MEMO1: variants seen among roughly 807,000 people sequenced by gnomAD.
MEMO1 encodes mediator of cell motility 1, also known as protein MEMO1.
MEMO1 carries 6 observed loss-of-function variants against 45.2 expected under a neutral mutation model. That is an observed-to-expected ratio of 0.13 (90% CI 0.07 to 0.26). MEMO1 has a LOEUF of 0.26. Ranked by LOEUF, MEMO1 falls within the 10% of genes least tolerant of loss-of-function variation. The pLI, the probability that MEMO1 is intolerant of heterozygous loss-of-function variation, is 1.00. For missense variants in MEMO1, 184 were observed against 370.5 expected (o/e 0.50, Z 4.13); for synonymous variants, 78 against 124.3 (o/e 0.63, Z 2.48).
chr2:31,892,146 C>CAAA lies in MEMO1; in HGVS notation c.438-13_438-12insTTT. On this transcript the variant is annotated splice_polypyrimidine_tract_variant and intron_variant, in intron 6 of 9. Coordinates refer to ENST00000404530, the MANE Select transcript of MEMO1 (RefSeq NM_001301833.4). ...ACTCATCCTTATGGCTTAAAGAAAA[C>CAAA]AGAAAAAAAAAAAATGTCATTTAAG... is the stretch of plus-strand genomic sequence containing the variant. 6.7e-7 allele frequency: 1 copy of CAAA among 1,493,576 alleles called. No homozygotes were observed. The allele number at this position is 1,493,576 out of a possible 1,614,324, so 92.5% of individuals were successfully genotyped here.
intron 6 of MEMO1, among the ~76,000 whole-genome samples, chr2:31,894,811 T>C (rs1677511525): frequency 6.6e-6 from 1 of 152,328 alleles, no homozygotes; most frequent in East Asian, 1.9e-4. Context: ...GATTCTTTCT[T>C]TTAATGAGAA....
intron 2 of MEMO1, among the ~76,000 whole-genome samples, chr2:32,002,186 T>TATAC (rs753352927): frequency 1.0e-3 from 120 of 115,936 alleles, no homozygotes; most frequent in African/African-American, 2.0e-3. Flanking sequence ...TATATATATA[T>TATAC]ACACACACAC....
intron 2 of MEMO1, among the ~76,000 whole-genome samples, chr2:31,991,565 C>T (rs1465431157): frequency 9.1e-5 from 5 of 54,686 alleles, no homozygotes; most frequent in African/African-American, 3.2e-4. Context: ...GAGCAAAACT[C>T]CGACTCAAAA....
intron 7 of MEMO1, among the ~76,000 whole-genome samples, chr2:31,887,271 T>TA (rs1676319498): frequency 6.6e-6 from 1 of 152,086 alleles, no homozygotes; most frequent in Admixed American, 6.6e-5. Flanking sequence ...TTAAGTACCT[T>TA]AAAACAAAAG....
chr2:32,010,349 C>A, intron 1 of MEMO1, 85 bp from the exon 2 acceptor site: 1 of 587,238 alleles, frequency 1.7e-6, no homozygotes, highest in Non-Finnish European at 2.8e-6. Flanking sequence ...GCGGGCCCAG[C>A]CCAGGAGGAG....
intron 8 of MEMO1, among the ~76,000 whole-genome samples, chr2:31,875,212 A>G (rs1227346969): frequency 1.3e-5 from 2 of 152,168 alleles, no homozygotes; most frequent in Non-Finnish European, 2.9e-5. Flanking sequence ...TTCAGAAATC[A>G]TATTCCAGGG....
intron 2 of MEMO1, among the ~76,000 whole-genome samples, chr2:32,001,187 C>T (rs932950346): frequency 2.6e-5 from 4 of 151,814 alleles, no homozygotes; most frequent in South Asian, 4.1e-4. Context: ...TACAGGAGCC[C>T]GCCATCACGG....
At chr2:31,983,213 A>G (rs959031490) in intron 2 of MEMO1, among the ~76,000 whole-genome samples, 6 of 152,128 alleles carry the variant, frequency 3.9e-5, no homozygotes, top group Non-Finnish European at 5.9e-5. Flanking sequence ...GTGAGCCAAG[A>G]TCGTGCCATT....
chr2:32,003,366 C>T (rs892826225), intron 2 of MEMO1, among the ~76,000 whole-genome samples: 2 of 152,104 alleles, frequency 1.3e-5, no homozygotes, highest in East Asian at 1.9e-4. Context: ...CCATGACAGC[C>T]GTGATTATAA....
chr2:31,990,086 C>T (rs1287791145), intron 2 of MEMO1, among the ~76,000 whole-genome samples: 4 of 152,180 alleles, frequency 2.6e-5, no homozygotes, highest in Admixed American at 2.6e-4. Flanking sequence ...CACTGCACTC[C>T]AGCATGGACG....
intron 6 of MEMO1, among the ~76,000 whole-genome samples, chr2:31,895,234 A>G (rs1020166059): frequency 6.6e-6 from 1 of 152,236 alleles, no homozygotes; most frequent in East Asian, 1.9e-4. Context: ...TCATGCAAAG[A>G]AACAGCAAAC....
Position 31,963,120 on chromosome 2 carries a change from C to T in MEMO1, c.62-19737G>A. On this transcript the variant is annotated intron_variant, in intron 2 of 9. Coordinates refer to ENST00000404530, the MANE Select transcript of MEMO1 (RefSeq NM_001301833.4). ...CCAACCCATCCTCAGTCTCTAACTA[C>T]ACCATTAGCTCTCCCATTTCTTAGG... 2.0e-6 allele frequency: 3 copies of T among 1,480,364 alleles called. No individual in the cohort carries two copies. In the South Asian group the frequency reaches 4.1e-5, roughly 20 times the overall value. The allele number at this position is 1,480,364 out of a possible 1,614,324, so 91.7% of individuals were successfully genotyped here.
At position 32,007,226 on chromosome 2, in the gene MEMO1, C is replaced by T. The variant is rs775578478; in HGVS notation, c.61+2961G>A. On this transcript the variant is annotated intron_variant, in intron 2 of 9. Transcript: ENST00000404530. ...AATTGAACTATTTACATTTACCTGC[C>T]TCTGTATCTGTGTGGGGTTTCCCAA... 4.3e-4 allele frequency among the ~76,000 whole-genome samples: 65 copies of T among 152,114 alleles called. 1 individual carries two copies. Among genetic ancestry groups the T allele is most frequent in the Non-Finnish European group, 2.4e-4 (16 of 68,024 alleles).
intron 6 of MEMO1, among the ~76,000 whole-genome samples, chr2:31,906,387 A>G (rs1302439399): frequency 1.3e-5 from 2 of 151,258 alleles, no homozygotes; most frequent in Non-Finnish European, 2.9e-5. Context: ...GCAATGGCGC[A>G]ATCTTGGCTC....
At chr2:31,870,213 C>T (rs1022099339) in intron 8 of MEMO1, among the ~76,000 whole-genome samples, 7 of 152,212 alleles carry the variant, frequency 4.6e-5, no homozygotes, top group African/African-American at 1.7e-4. Context: ...TTCTATACTA[C>T]TTTAACCAGT....
chr2:31,868,323 T>A lies in MEMO1; in HGVS notation c.*38A>T. ...CTAGGCTGGGACCCCGGACAGAGTA[T>A]GAGAATGTGCAGGTGGCATCCCTGA... is the stretch of plus-strand genomic sequence containing the variant. On this transcript the variant is annotated 3_prime_UTR_variant, in exon 10 of 10. Coordinates refer to ENST00000404530, the MANE Select transcript of MEMO1 (RefSeq NM_001301833.4). The A allele has an allele frequency of 6.7e-7, 1 of 1,502,726 alleles. No homozygotes were observed. Among genetic ancestry groups the A allele is most frequent in the Admixed American group, 2.2e-5 (1 of 45,398 alleles). The allele number at this position is 1,502,726 out of a possible 1,614,324, so 93.1% of individuals were successfully genotyped here.
chr2:31,910,010 T>C (rs1036629356), intron 6 of MEMO1, among the ~76,000 whole-genome samples: 6 of 152,004 alleles, frequency 3.9e-5, no homozygotes, highest in South Asian at 2.1e-4. Flanking sequence ...ACTTTATCAA[T>C]AGACAAACAT....
chr2:31,969,588 T>TGGGTGG, intron 2 of MEMO1, among the ~76,000 whole-genome samples: 2 of 16,594 alleles, frequency 1.2e-4, no homozygotes, highest in East Asian at 1.5e-3. Flanking sequence ...TGTGTGTGGG[T>TGGGTGG]GTGTGTGTGT....
chr2:32,006,898 G>A (rs778430246), intron 2 of MEMO1, among the ~76,000 whole-genome samples: 5 of 149,936 alleles, frequency 3.3e-5, no homozygotes, highest in Middle Eastern at 3.5e-3. Context: ...CCAGGAGGTG[G>A]AGGCTGCAGT....
Sources: gnomAD v4.1 joint callset for allele counts (sites outside exome capture counted in the v4.1 genomes callset) on GRCh38, gnomAD v4.1.1 for gene constraint, MANE v1.5 for transcripts, NCBI Gene and HGNC (gene_info 2026-07-23, HGNC 2026-07-21) for gene names.